CNOT6L: variants seen among roughly 807,000 people sequenced by gnomAD.
The protein encoded by CNOT6L is CCR4-NOT transcription complex subunit 6-like.
Under a neutral mutation model 64.0 loss-of-function variants are expected in CNOT6L, and 7 were observed. The ratio of observed to expected loss-of-function variants is 0.11; its 90% CI spans 0.06 to 0.21. CNOT6L has a LOEUF of 0.21. Among genes scored for constraint, CNOT6L ranks in the 10% least tolerant of loss-of-function variants. The pLI is 1.00. For missense variants in CNOT6L, 245 were observed against 669.0 expected, an observed-to-expected ratio of 0.37 and a Z score of 6.99; for synonymous variants, 193 against 243.4, an observed-to-expected ratio of 0.79 and a Z score of 1.93.
rs1450945640 is a variant in CNOT6L, at chr4:77,718,517, A to T, written c.*1914T>A. 1 of 152,578 alleles carries T rather than the reference A, an allele frequency of 6.6e-6. No individual in the cohort carries two copies. The highest frequency in any genetic ancestry group is 1.5e-5 in the Non-Finnish European group (1 of 68,018). The allele number at this position is 152,578 out of a possible 1,614,324, so 9.5% of individuals were successfully genotyped here. A position where few individuals can be genotyped will look rare whatever the true frequency, so the allele number is the denominator to read the frequency against. The stretch of plus-strand genomic sequence containing the variant: ...TTTATCCTGGTACTTTAACATTTTT[A>T]AAAGATATTTTATTTACATCAAAAT... On this transcript the variant is annotated 3_prime_UTR_variant, in exon 12 of 12. Coordinates refer to ENST00000504123, the MANE Select transcript of CNOT6L (RefSeq NM_144571.3).
chr4:77,774,772 A>C (rs534628789), intron 2 of CNOT6L, 56 bp from the exon 3 acceptor site: 4 of 1,137,004 alleles, frequency 3.5e-6, no homozygotes, highest in South Asian at 1.9e-5. Flanking sequence ...GATGACACCT[A>C]AACTACAACG....
chr4:77,740,413 T>C (rs987110938), intron 8 of CNOT6L, among the ~76,000 whole-genome samples: 1 of 152,078 alleles, frequency 6.6e-6, no homozygotes, highest in Non-Finnish European at 1.5e-5. Context: ...GGGCAATTTT[T>C]CTAAATGAGG....
intron 1 of CNOT6L, among the ~76,000 whole-genome samples, chr4:77,787,001 C>A (rs1452298538): frequency 2.0e-5 from 3 of 152,086 alleles, no homozygotes; most frequent in Non-Finnish European, 4.4e-5. Context: ...CGCAGTGGCT[C>A]ACGCCTGTAA....
chr4:77,817,991 AGCAGGTTTATCTTTACAACT>A (rs1560444852), intron 1 of CNOT6L, among the ~76,000 whole-genome samples: 1 of 152,246 alleles, frequency 6.6e-6, no homozygotes, highest in Non-Finnish European at 1.5e-5. Context: ...ACCTATTGGC[AGCAGGTTTATCTTTACAACT>A]GGGTTTTGCT....
chr4:77,800,489 C>T (rs1034723135), intron 1 of CNOT6L, among the ~76,000 whole-genome samples: 8 of 151,092 alleles, frequency 5.3e-5, no homozygotes, highest in Non-Finnish European at 7.4e-5. Context: ...AGCCTGTGAG[C>T]GACAAAGCAA....
At chr4:77,759,849 A>T (rs746513781) in intron 4 of CNOT6L, among the ~76,000 whole-genome samples, 7 of 152,184 alleles carry the variant, frequency 4.6e-5, no homozygotes, top group Non-Finnish European at 7.3e-5. Context: ...AAAAATATGC[A>T]TTCGTTCCAA....
chr4:77,768,621 T>C (rs1008827407), intron 4 of CNOT6L, among the ~76,000 whole-genome samples: 4 of 150,632 alleles, frequency 2.7e-5, no homozygotes, highest in Non-Finnish European at 1.5e-5. Context: ...TCCAATTCAA[T>C]AAGAAATCAT....
At chr4:77,767,039 G>A (rs188586347) in intron 4 of CNOT6L, among the ~76,000 whole-genome samples, 180 of 135,896 alleles carry the variant, frequency 1.3e-3, no homozygotes, top group African/African-American at 4.9e-3. Context: ...CTCCAGCCTG[G>A]GCAACAGAGC....
In CNOT6L at chr4:77,748,380, A is replaced by G; in HGVS notation, c.495T>C (p.His165=). The G allele has an allele frequency of 6.2e-7, 1 of 1,610,244 alleles. No homozygotes were observed. ...ATGGCCTCGGAGGAAGCTGCTCTGG[A>G]TGAACTGAAAAAAATTTTGTAAATA... ...LNFMLDNLAV[H]PEQLPPRPWI... Residue 165 remains histidine, a synonymous_variant, in exon 6 of 12, where the codon CAT becomes CAC. Transcript: ENST00000504123.
chr4:77,730,130 G>A (rs1031923706), intron 9 of CNOT6L, among the ~76,000 whole-genome samples: 15 of 152,058 alleles, frequency 9.9e-5, no homozygotes, highest in Non-Finnish European at 1.0e-4. Flanking sequence ...TGGGGGAAAA[G>A]ACCTAATTTT....
At position 77,744,793 on chromosome 4, in the gene CNOT6L, T is replaced by C. The variant is rs1724012645; in HGVS notation, c.642A>G (p.Ala214=). 2.5e-6 allele frequency: 4 copies of C among 1,613,560 alleles called. No homozygotes were observed. The highest frequency in any genetic ancestry group is 3.4e-6 in the Non-Finnish European group (4 of 1,179,732). The change falls in exon 7 of 12, where the codon GCA becomes GCG. Residue 214 remains alanine, a synonymous_variant. Transcript: ENST00000504123. ...CCTTTTTCCTGTATTCCCAGTTTAATGCCCAGGATGGGCAATAGCCATATA... is the reference window on the plus strand; with the variant it reads ...CCTTTTTCCTGTATTCCCAGTTTAACGCCCAGGATGGGCAATAGCCATATA... The part of the protein sequence containing the change: ...RQLYGYCPSW[A]LNWEYRKKGI...
chr4:77,789,478 A>G (rs187968359), intron 1 of CNOT6L, among the ~76,000 whole-genome samples: 116 of 152,074 alleles, frequency 7.6e-4, no homozygotes, highest in African/African-American at 2.0e-3. Context: ...GTAGTTCAAG[A>G]CCACCCTGGG....
At chr4:77,773,707 G>A (rs1039154916) in intron 3 of CNOT6L, among the ~76,000 whole-genome samples, 1 of 151,708 alleles carries the variant, frequency 6.6e-6, no homozygotes, top group Admixed American at 6.6e-5. Context: ...AGAAACAACA[G>A]GTGAAGTATA....
chr4:77,777,099 C>T (rs1048733217), intron 1 of CNOT6L, among the ~76,000 whole-genome samples: 7 of 152,208 alleles, frequency 4.6e-5, no homozygotes, highest in African/African-American at 1.7e-4. Context: ...ACTGTTTAAG[C>T]TACTTTGAAT....
At chr4:77,804,002 G>A (rs936240676) in intron 1 of CNOT6L, among the ~76,000 whole-genome samples, 16 of 152,102 alleles carry the variant, frequency 1.1e-4, no homozygotes, top group Admixed American at 4.6e-4. Context: ...ACAGAAATAC[G>A]TATGACCCAG....
At chr4:77,766,898 A>G (rs1479856919) in intron 4 of CNOT6L, among the ~76,000 whole-genome samples, 2 of 151,584 alleles carry the variant, frequency 1.3e-5, no homozygotes, top group Non-Finnish European at 2.9e-5. Context: ...CCCTGTCTCT[A>G]CCAAAAACAC....
upstream of CNOT6L, chr4:77,819,551 C>T (rs984977374): frequency 1.0e-5 from 5 of 481,426 alleles, no homozygotes; most frequent in Admixed American, 1.0e-4. Flanking sequence ...GCAGGGAACC[C>T]GGGCCCGGGG....
At chr4:77,787,615 TA>T (rs1326997926) in intron 1 of CNOT6L, among the ~76,000 whole-genome samples, 2 of 152,178 alleles carry the variant, frequency 1.3e-5, no homozygotes, top group African/African-American at 4.8e-5. Flanking sequence ...GACTCAAATC[TA>T]AAATGTGTAC....
At chr4:77,765,387 A>G (rs1273814151) in intron 4 of CNOT6L, among the ~76,000 whole-genome samples, 3 of 152,176 alleles carry the variant, frequency 2.0e-5, no homozygotes, top group Admixed American at 6.5e-5. Context: ...AAAATTTCTC[A>G]AAAGTTCTCA....
Sources: gnomAD v4.1 joint callset for allele counts (sites outside exome capture counted in the v4.1 genomes callset) on GRCh38, gnomAD v4.1.1 for gene constraint, MANE v1.5 for transcripts, NCBI Gene and HGNC (gene_info 2026-07-23, HGNC 2026-07-21) for gene names.